SLC1A7: variants seen among roughly 807,000 people sequenced by gnomAD.
The protein encoded by SLC1A7 is solute carrier family 1 member 7, also known as excitatory amino acid transporter 5.
In SLC1A7, 40 loss-of-function variants were observed where a neutral mutation model predicts 47.7. The observed-to-expected ratio is 0.84, with a 90% CI of 0.65 to 1.09. SLC1A7 has a LOEUF of 1.09. Among genes scored for constraint, SLC1A7 ranks in the 50% least tolerant of loss-of-function variants. SLC1A7 has a pLI of 0.00. For synonymous variants in SLC1A7, 323 were observed against 325.6 expected (o/e 0.99, Z 0.09); for missense variants, 746 against 769.5 (o/e 0.97, Z 0.36).
chr1:53,118,019 G>A (rs1644780407), intron 2 of SLC1A7, among the ~76,000 whole-genome samples: 1 of 152,248 alleles, frequency 6.6e-6, no homozygotes, highest in Non-Finnish European at 1.5e-5. Context: ...TGGCAGCACA[G>A]GCCAGCCTCC....
chr1:53,136,667 T>TA (rs1491513212), intron 1 of SLC1A7, among the ~76,000 whole-genome samples: 905 of 2,738 alleles, frequency 0.33, 25 homozygotes, highest in Middle Eastern at 0.5. Flanking sequence ...TATATATATA[T>TA]TTTTTTTTTT....
chr1:53,098,526 T>C (rs3766771), intron 5 of SLC1A7, among the ~76,000 whole-genome samples: 30,898 of 146,694 alleles, frequency 0.21, 3,255 homozygotes, highest in Middle Eastern at 0.3. Flanking sequence ...AACACTCATA[T>C]GCCCTGCCTC....
At chr1:53,101,642 CCTCGGTACACTCACACTCCTCAT>C (rs1644582987) in intron 5 of SLC1A7, among the ~76,000 whole-genome samples, 1 of 151,502 alleles carries the variant, frequency 6.6e-6, no homozygotes, top group Non-Finnish European at 1.5e-5. Context: ...ACACACCTTG[CCTCGGTACACTCACACTCCTCAT>C]CTTGGTACAC....
At chr1:53,095,956 C>A (rs1386252237) in intron 5 of SLC1A7, among the ~76,000 whole-genome samples, 1 of 149,950 alleles carries the variant, frequency 6.7e-6, no homozygotes, top group Non-Finnish European at 1.5e-5. Context: ...AGTCACACCA[C>A]CTCGGTGCAT....
At chr1:53,116,687 A>AC (rs937820157) in intron 2 of SLC1A7, among the ~76,000 whole-genome samples, 23 of 150,968 alleles carry the variant, frequency 1.5e-4, no homozygotes, top group South Asian at 2.1e-4. Context: ...CCATGACAGA[A>AC]CCCCCCGCAG....
chr1:53,133,683 G>A (rs906365619), intron 2 of SLC1A7, among the ~76,000 whole-genome samples: 1 of 152,134 alleles, frequency 6.6e-6, no homozygotes, highest in African/African-American at 2.4e-5. Context: ...CAGTGAAAGG[G>A]ACCAAGTGAT....
chr1:53,107,883 C>T (rs1644660952), intron 3 of SLC1A7: 1 of 152,234 alleles, frequency 6.6e-6, no homozygotes, highest in Admixed American at 6.5e-5. Flanking sequence ...AAAGATACTA[C>T]CAGGCAATTC....
chr1:53,103,312 C>G, intron 5 of SLC1A7, 34 bp downstream of exon 5: 2 of 1,511,832 alleles, frequency 1.3e-6, no homozygotes, highest in Non-Finnish European at 1.8e-6. Flanking sequence ...GGGCCCGGCT[C>G]CACGGCACTG....
intron 2 of SLC1A7, 126 bp from the exon 3 acceptor site, chr1:53,115,099 C>T (rs1013282081): frequency 8.4e-6 from 6 of 717,166 alleles, no homozygotes; most frequent in Non-Finnish European, 1.2e-5. Flanking sequence ...CCCATTCTTC[C>T]AACAATCCAG....
rs139056503 is a variant in SLC1A7, at chr1:53,127,229, A to G, written c.215+7121T>C. ...CTCTGCTGCTTCTTATTCATTGAAA[A>G]TGTATTGATCAGGCACAGGCAGTAG... On this transcript the variant is annotated intron_variant, in intron 2 of 10. Coordinates refer to ENST00000371494, the MANE Select transcript of SLC1A7 (RefSeq NM_006671.6). Among the ~76,000 whole-genome samples the G allele has an allele frequency of 2.4e-4, 37 of 152,266 alleles. 1 individual carries two copies. Among genetic ancestry groups the G allele is most frequent in the Non-Finnish European group, 4.1e-4 (28 of 68,006 alleles).
chr1:53,089,977 G>A, intron 8 of SLC1A7, 43 bp from the exon 9 acceptor site: 1 of 1,608,478 alleles, frequency 6.2e-7, no homozygotes, highest in Non-Finnish European at 8.5e-7. Context: ...AGGAGGGGCA[G>A]GGTGCATTGT....
intron 2 of SLC1A7, 161 bp from the exon 3 acceptor site, chr1:53,115,134 T>G: frequency 1.6e-6 from 1 of 639,532 alleles, no homozygotes; most frequent in East Asian, 2.7e-5. Context: ...CAGCCTCTCT[T>G]TCTGCTCTGC....
At chr1:53,093,870 C>T (rs1644454874) in intron 5 of SLC1A7, among the ~76,000 whole-genome samples, 2 of 152,192 alleles carry the variant, frequency 1.3e-5, no homozygotes, top group South Asian at 2.1e-4. Context: ...TCACCCAGCT[C>T]GATGCCTCAG....
chr1:53,113,270 C>T (rs577058524), intron 3 of SLC1A7, among the ~76,000 whole-genome samples: 9 of 152,236 alleles, frequency 5.9e-5, no homozygotes, highest in African/African-American at 2.2e-4. Context: ...ATCCCAATCC[C>T]TGCTCTCTCA....
intron 5 of SLC1A7, among the ~76,000 whole-genome samples, 195 bp from the exon 6 acceptor site, chr1:53,093,755 C>A (rs1644453320): frequency 6.6e-6 from 1 of 152,102 alleles, no homozygotes; most frequent in Admixed American, 6.5e-5. Context: ...CTCTCACCTT[C>A]CTCCACGCAG....
intron 2 of SLC1A7, among the ~76,000 whole-genome samples, chr1:53,132,719 G>A (rs1205725243): frequency 7.6e-6 from 1 of 131,734 alleles, no homozygotes; most frequent in Non-Finnish European, 1.7e-5. Context: ...GGTGGTGTGT[G>A]CCTGTGGTCC....
chr1:53,112,258 A>G (rs571826749), intron 3 of SLC1A7, among the ~76,000 whole-genome samples: 5 of 152,346 alleles, frequency 3.3e-5, no homozygotes, highest in African/African-American at 7.2e-5. Flanking sequence ...TGTCGCCACC[A>G]TGAAACAAAT....
intron 2 of SLC1A7, among the ~76,000 whole-genome samples, chr1:53,122,541 C>T (rs574790995): frequency 1.3e-5 from 2 of 152,328 alleles, no homozygotes; most frequent in East Asian, 3.9e-4. Context: ...CAGTGCCATG[C>T]CCATTAGCGC....
chr1:53,132,962 C>T (rs933012874), intron 2 of SLC1A7, among the ~76,000 whole-genome samples: 1 of 152,072 alleles, frequency 6.6e-6, no homozygotes, highest in Non-Finnish European at 1.5e-5. Context: ...CATCTGGGGG[C>T]ATTGGGCTTG....
Sources: gnomAD v4.1 joint callset for allele counts (sites outside exome capture counted in the v4.1 genomes callset) on GRCh38, gnomAD v4.1.1 for gene constraint, MANE v1.5 for transcripts, NCBI Gene and HGNC (gene_info 2026-07-23, HGNC 2026-07-21) for gene names.